The following DEPDC5 variants were observed in gnomAD, a reference collection of about 807,000 sequenced individuals.
DEPDC5 encodes DEP domain containing 5, GATOR1 subcomplex subunit.
In DEPDC5, 73 loss-of-function variants were observed where a neutral mutation model predicts 217.3. The observed-to-expected ratio is 0.34, with a 90% confidence interval of 0.28 to 0.41. DEPDC5 has a LOEUF of 0.41. DEPDC5 is among the 10% of genes least tolerant of loss of function. DEPDC5 has a pLI of 1.00. For missense variants in DEPDC5, 1,675 were observed against 2,070.1 expected, an observed-to-expected ratio of 0.81 and a Z score of 3.70; for synonymous variants, 733 against 756.7, an observed-to-expected ratio of 0.97 and a Z score of 0.51.
At chr22:31,758,467 G>A (rs901012472) in intron 2 of DEPDC5, 79 bp from the exon 3 acceptor site, 3 of 1,316,068 alleles carry the variant, frequency 2.3e-6, no homozygotes, top group East Asian at 4.6e-5. Flanking sequence ...TCCTGATGGG[G>A]TTGTGAGGAA....
intron 10 of DEPDC5, 93 bp from the exon 11 acceptor site, chr22:31,791,925 CAAAAAAAAAAAAAAA>C: frequency 5.0e-5 from 6 of 121,182 alleles, no homozygotes; most frequent in Non-Finnish European, 7.0e-5. Context: ...GACTCCGTCT[CAAAAAAAAAAAAAAA>C]AAAAAAAAAA....
intron 33 of DEPDC5, among the ~76,000 whole-genome samples, chr22:31,863,133 C>G (rs1397812247): frequency 6.6e-6 from 1 of 152,030 alleles, no homozygotes. Context: ...AGGCATGAGC[C>G]ACTGTGTCTG....
At chr22:31,759,359 T>C (rs923781111) in intron 3 of DEPDC5, among the ~76,000 whole-genome samples, 1 of 131,632 alleles carries the variant, frequency 7.6e-6, no homozygotes, top group Non-Finnish European at 1.7e-5. Context: ...CGAGCCGTTT[T>C]TTTTGTTTTT....
chr22:31,768,505 T>G (rs1166572974), intron 6 of DEPDC5, among the ~76,000 whole-genome samples: 3 of 152,332 alleles, frequency 2.0e-5, no homozygotes, highest in African/African-American at 7.2e-5. Context: ...AATGCAGATA[T>G]GTATGTAAAC....
chr22:31,764,697 T>G (rs536909246), intron 4 of DEPDC5, among the ~76,000 whole-genome samples: 1 of 152,320 alleles, frequency 6.6e-6, no homozygotes, highest in African/African-American at 2.4e-5. Flanking sequence ...ATTACAGGTG[T>G]TAGCCACCAT....
At chr22:31,759,637 G>A (rs2082221367) in intron 3 of DEPDC5, among the ~76,000 whole-genome samples, 1 of 146,008 alleles carries the variant, frequency 6.8e-6, no homozygotes, top group African/African-American at 2.6e-5. Flanking sequence ...CTCTTAAAGT[G>A]CTAGGATTAC....
At chr22:31,851,917 G>A (rs981132919) in intron 31 of DEPDC5, among the ~76,000 whole-genome samples, 1 of 152,176 alleles carries the variant, frequency 6.6e-6, no homozygotes, top group East Asian at 1.9e-4. Flanking sequence ...CAGGCCAGGC[G>A]TGGTGGCTCA....
At chr22:31,889,052 C>G (rs1206311833) in intron 38 of DEPDC5, among the ~76,000 whole-genome samples, 1 of 152,206 alleles carries the variant, frequency 6.6e-6, no homozygotes, top group Non-Finnish European at 1.5e-5. Flanking sequence ...CGTAGAGTAT[C>G]ACTCCCCTAC....
intron 24 of DEPDC5, among the ~76,000 whole-genome samples, chr22:31,828,918 T>A (rs1410175064): frequency 6.6e-6 from 1 of 152,218 alleles, no homozygotes; most frequent in East Asian, 1.9e-4. Context: ...TGTGGGGGAT[T>A]GAACTGTGAA....
rs980713161 is a variant in DEPDC5 at position 31,850,984 on chromosome 22, C to T, written c.3155+4017C>T. On this transcript the variant is annotated intron_variant, in intron 31 of 42. Coordinates refer to ENST00000651528, the MANE Select transcript of DEPDC5 (RefSeq NM_001242896.3). ...GCGGGAGGCTGAGGCAGGAGAATTG[C>T]TTGAACCTGGGAGGCGGAGGTTGCA... is the stretch of plus-strand genomic sequence containing the variant. 2.0e-5 allele frequency among the ~76,000 whole-genome samples: 3 copies of T among 151,318 alleles called. 1 individual carries two copies. The Admixed American group carries it at 2.0e-4, about 10-fold the overall frequency.
chr22:31,864,516 ATATATATATTTATATATT>A (rs1274834282), intron 33 of DEPDC5, among the ~76,000 whole-genome samples: 1 of 140,132 alleles, frequency 7.1e-6, no homozygotes, highest in Middle Eastern at 3.7e-3. Flanking sequence ...ATATATATAT[ATATATATATTTATATATT>A]TATTTATTTA....
chr22:31,850,152 T>C (rs1205381806), intron 31 of DEPDC5, among the ~76,000 whole-genome samples: 1 of 152,184 alleles, frequency 6.6e-6, no homozygotes, highest in East Asian at 1.9e-4. Context: ...AGCCGGGTTT[T>C]AAATTTGAAG....
At position 31,876,095 on chromosome 22, in the gene DEPDC5, T is replaced by A. The variant is rs139534269; in HGVS notation, c.3697-62T>A. 559 of 1,500,148 alleles carry A rather than the reference T, an allele frequency of 3.7e-4. 4 individuals are homozygous for A. The East Asian group carries it at 0.012, about 32-fold the overall frequency. The allele number at this position is 1,500,148 out of a possible 1,614,324, so 92.9% of individuals were successfully genotyped here. A position where few individuals can be genotyped will look rare whatever the true frequency, so the allele number is the denominator to read the frequency against. On this transcript the variant is annotated intron_variant, in intron 36 of 42. Transcript: ENST00000651528. ...CACTCCCTTGTCTCCAGAGCATGAC[T>A]GAGGGCTGCCCCTTCAAGATGCCTC...
intron 19 of DEPDC5, among the ~76,000 whole-genome samples, chr22:31,810,151 T>C (rs530081894): frequency 6.6e-6 from 1 of 152,348 alleles, no homozygotes; most frequent in South Asian, 2.1e-4. Context: ...CTTGTTTTTC[T>C]TTTCCATAGG....
intron 18 of DEPDC5, among the ~76,000 whole-genome samples, chr22:31,806,829 G>A (rs1395038747): frequency 1.3e-5 from 2 of 152,162 alleles, no homozygotes; most frequent in African/African-American, 2.4e-5. Flanking sequence ...AACAAATATA[G>A]TGAGACCCCA....
chr22:31,874,752 A>G (rs1388088938), intron 36 of DEPDC5, among the ~76,000 whole-genome samples: 1 of 151,972 alleles, frequency 6.6e-6, no homozygotes, highest in Non-Finnish European at 1.5e-5. Flanking sequence ...CTTATTCAAG[A>G]CTCAATGCTG....
At chr22:31,837,509 A>G (rs1193067890) in intron 26 of DEPDC5, among the ~76,000 whole-genome samples, 2 of 151,852 alleles carry the variant, frequency 1.3e-5, no homozygotes, top group East Asian at 3.9e-4. Flanking sequence ...TGGCAGCACC[A>G]CATCTAGCTA....
chr22:31,868,104 T>C (rs1205844063), intron 33 of DEPDC5, among the ~76,000 whole-genome samples: 1 of 152,256 alleles, frequency 6.6e-6, no homozygotes, highest in Non-Finnish European at 1.5e-5. Context: ...GTGTTTATGG[T>C]GCCAGCAAAA....
intron 24 of DEPDC5, among the ~76,000 whole-genome samples, chr22:31,831,532 A>G (rs538796863): frequency 5.3e-5 from 8 of 152,066 alleles, no homozygotes; most frequent in African/African-American, 1.9e-4. Flanking sequence ...ATCTCAGCTC[A>G]CTGCAACCTC....
Sources: gnomAD v4.1 joint callset for allele counts (sites outside exome capture counted in the v4.1 genomes callset) on GRCh38, gnomAD v4.1.1 for gene constraint, MANE v1.5 for transcripts, NCBI Gene and HGNC (gene_info 2026-07-23, HGNC 2026-07-21) for gene names.